SLC12A3: variants seen among roughly 807,000 people sequenced by gnomAD.
SLC12A3 encodes the protein solute carrier family 12 member 3, also known as Na-Cl cotransporter.
SLC12A3 carries 104 observed loss-of-function variants against 121.0 expected under a neutral mutation model. The ratio of observed to expected loss-of-function variants is 0.86; its 90% CI spans 0.73 to 1.01. The LOEUF (loss-of-function observed/expected upper bound fraction) is 1.01, where lower values mean the gene tolerates loss of function less well. Ranked by LOEUF, SLC12A3 falls within the 50% of genes least tolerant of loss-of-function variation. The probability of loss-of-function intolerance (pLI) is 0.00; values close to 1 mark genes in which losing one functional copy is unlikely to be tolerated. For synonymous variants in SLC12A3, 536 were observed against 533.4 expected (o/e 1.00, Z -0.07); for missense variants, 1,328 against 1,356.3 (o/e 0.98, Z 0.33).
chr16:56,879,493 T>C (rs1378687404), intron 10 of SLC12A3, 49 bp from the exon 11 acceptor site: 1 of 1,480,526 alleles, frequency 6.8e-7, no homozygotes, highest in Non-Finnish European at 9.4e-7. Flanking sequence ...AGATGGGGGC[T>C]CCTGGCTCAG....
chr16:56,902,672 A>G (rs144986837), intron 24 of SLC12A3, among the ~76,000 whole-genome samples, 164 bp downstream of exon 24: 66 of 152,172 alleles, frequency 4.3e-4, no homozygotes, highest in Admixed American at 7.8e-4. Context: ...CTGATGGGTA[A>G]CCCGGCTGTG....
Position 56,892,308 on chromosome 16 carries a change from C to T in SLC12A3, c.2419+175C>T, listed in dbSNP as rs975401047. 8.8e-5 allele frequency: 58 copies of T among 661,906 alleles called. 1 individual carries two copies. In the Admixed American group the frequency reaches 1.3e-3, roughly 14 times the overall value. 41.0% of individuals were successfully genotyped at this position (661,906 alleles called of 1,614,324 possible). A position where few individuals can be genotyped will look rare whatever the true frequency, so the allele number is the denominator to read the frequency against. ...GAGTTGGGAACTGGAGGGGCTTGGCCGTGTCAAAGATTGCCAGCAGCCAGG... is the reference window on the plus strand; with the variant it reads ...GAGTTGGGAACTGGAGGGGCTTGGCTGTGTCAAAGATTGCCAGCAGCCAGG... On this transcript the variant is annotated intron_variant, in intron 20 of 25. Transcript: ENST00000563236.
chr16:56,888,489 A>T (rs1156570875), intron 18 of SLC12A3, among the ~76,000 whole-genome samples: 1 of 150,930 alleles, frequency 6.6e-6, no homozygotes, highest in African/African-American at 2.4e-5. Flanking sequence ...GCTCGTGTCC[A>T]TGCAGAATGG....
intron 23 of SLC12A3, among the ~76,000 whole-genome samples, chr16:56,900,957 T>G (rs2065281056): frequency 6.6e-6 from 1 of 151,938 alleles, no homozygotes; most frequent in African/African-American, 2.4e-5. Flanking sequence ...CCTCCTCCCT[T>G]CCCCTAATCC....
chr16:56,870,754 G>A lies in SLC12A3; in HGVS notation c.852+18G>A, dbSNP rs770677797. 7 of 1,518,132 alleles carry A rather than the reference G, an allele frequency of 4.6e-6. No homozygotes were observed. The African/African-American group carries it at 8.2e-5, about 18-fold the overall frequency. 94.0% of individuals were successfully genotyped at this position (1,518,132 alleles called of 1,614,324 possible). Reference sequence around the variant, plus strand: ...AGTCCAAGGTGAGGAGGCCATGGAGGAGGGGGACATGGAGGTGGTCACGTG... The same window carrying A: ...AGTCCAAGGTGAGGAGGCCATGGAGAAGGGGGACATGGAGGTGGTCACGTG... On this transcript the variant is annotated intron_variant, in intron 6 of 25. Transcript: ENST00000563236.
At chr16:56,867,357 TCAA>T (rs1195527133) in intron 2 of SLC12A3, 141 bp downstream of exon 2, 9 of 881,186 alleles carry the variant, frequency 1.0e-5, no homozygotes, top group Non-Finnish European at 1.5e-5. Flanking sequence ...AGTTAATAGA[TCAA>T]TAGACAATAG....
intron 8 of SLC12A3, among the ~76,000 whole-genome samples, chr16:56,876,558 G>A (rs902852344): frequency 4.6e-5 from 7 of 152,166 alleles, no homozygotes; most frequent in African/African-American, 7.2e-5. Context: ...ACAGCTCCAC[G>A]TCTGGGCCAC....
intron 25 of SLC12A3, among the ~76,000 whole-genome samples, chr16:56,911,005 T>C (rs1296054189): frequency 3.3e-5 from 5 of 152,290 alleles, no homozygotes; most frequent in Admixed American, 1.3e-4. Context: ...ACAGGCTGTG[T>C]TGGGGGAGGG....
chr16:56,913,256 C>T lies in SLC12A3; in HGVS notation c.2925-8C>T. The T allele has an allele frequency of 6.2e-7, 1 of 1,614,142 alleles. No homozygotes were observed. The highest frequency in any genetic ancestry group is 1.3e-5 in the African/African-American group (1 of 75,040). On this transcript the variant is annotated splice_region_variant and splice_polypyrimidine_tract_variant and intron_variant, in intron 25 of 25. Transcript: ENST00000563236. Reference sequence around the variant, plus strand: ...ATCTCTCTTCTACCACTTTTTCATGCCTTGCAGCACTTTGCCCATAGGGAG... The same window carrying T: ...ATCTCTCTTCTACCACTTTTTCATGTCTTGCAGCACTTTGCCCATAGGGAG...
chr16:56,901,266 T>G (rs768428582), intron 23 of SLC12A3, among the ~76,000 whole-genome samples: 7 of 151,976 alleles, frequency 4.6e-5, no homozygotes, highest in Non-Finnish European at 8.8e-5. Context: ...CTCCATTTAC[T>G]CTGTCCCAGG....
In SLC12A3 at chr16:56,902,287, A is replaced by G. The variant is rs2144766307; in HGVS notation, c.2721-86A>G. 6 of 1,553,734 alleles carry G rather than the reference A, an allele frequency of 3.9e-6. No individual in the cohort carries two copies. In the South Asian group the frequency reaches 6.7e-5, roughly 17 times the overall value. ...CAGCCTGAAAATGGGAGCTGTGGCA[A>G]CACTGCCAGCTCCCCGCAGGGACCT... On this transcript the variant is annotated intron_variant, in intron 23 of 25. Transcript: ENST00000563236.
chr16:56,866,040 C>T (rs1964347199), intron 1 of SLC12A3, among the ~76,000 whole-genome samples: 1 of 150,846 alleles, frequency 6.6e-6, no homozygotes. Flanking sequence ...GGCTGGAGTG[C>T]AGTGGTGTGA....
chr16:56,884,277 C>A, intron 14 of SLC12A3, 73 bp downstream of exon 14: 1 of 1,491,596 alleles, frequency 6.7e-7, no homozygotes. Flanking sequence ...GCCCTCCGCC[C>A]CAGTTGGAGG....
At position 56,882,414 on chromosome 16, in the gene SLC12A3, C is replaced by A. The variant is rs2055253263; in HGVS notation, c.1586C>A (p.Ala529Asp). ...FIIIAELNTIAPIISNFFLCS... is the reference protein window; with the variant it reads ...FIIIAELNTIDPIISNFFLCS... ...CCCGAAGCTGAGCTCAACACCATAG[C>A]CCCCATCATTTCCAACTTCTTCCTC... Residue 529 changes from alanine (A) to aspartate (D), a missense_variant, in exon 13 of 26, where the codon GCC (alanine) becomes GAC (aspartate). Physicochemically the swap from Ala to Asp is moderately radical, Grantham distance 126. Transcript: ENST00000563236. The A allele has an allele frequency of 6.2e-7, 1 of 1,613,800 alleles. No homozygotes were observed. Among genetic ancestry groups the A allele is most frequent in the Non-Finnish European group, 8.5e-7 (1 of 1,179,820 alleles).
At chr16:56,893,158 C>T (rs1419418072) in intron 21 of SLC12A3, 104 bp downstream of exon 21, 1 of 946,538 alleles carries the variant, frequency 1.1e-6, no homozygotes, top group Admixed American at 2.0e-5. Flanking sequence ...GACAGGGGCT[C>T]CTGGGCCCAG....
chr16:56,909,663 G>A lies in SLC12A3; in HGVS notation c.2925-3601G>A, dbSNP rs1028864604. Among the ~76,000 whole-genome samples the A allele has an allele frequency of 2.1e-4, 32 of 152,210 alleles. No individual in the cohort carries two copies. The South Asian group carries it at 3.1e-3, about 15-fold the overall frequency. The stretch of plus-strand genomic sequence containing the variant: ...TCACTAATCTCCAACCTGGAGCCAT[G>A]CCTAGTGTTTCTCTACAAGTTCAGT... On this transcript the variant is annotated intron_variant, in intron 25 of 25. Coordinates refer to ENST00000563236, the MANE Select transcript of SLC12A3 (RefSeq NM_001126108.2).
At chr16:56,904,798 C>T (rs1165285204) in intron 25 of SLC12A3, 2 of 364,064 alleles carry the variant, frequency 5.5e-6, no homozygotes, top group East Asian at 1.4e-4. Context: ...GGGACATCAA[C>T]TCCTGGTTGT....
chr16:56,910,942 A>G (rs1225922360), intron 25 of SLC12A3, among the ~76,000 whole-genome samples: 1 of 151,708 alleles, frequency 6.6e-6, no homozygotes, highest in Non-Finnish European at 1.5e-5. Context: ...CACGTCATTG[A>G]CTGGTGTGGG....
Position 56,890,339 on chromosome 16 carries a change from A to G in SLC12A3, c.2351A>G (p.Lys784Arg), listed in dbSNP as rs1238966736. ...MRMREGLNVS[K>R]MMQAHINPVF... The stretch of plus-strand genomic sequence containing the variant: ...ATGCGGGAGGGACTCAACGTGTCCA[A>G]GATGATGCAGGCGCACAGTGAGTAC... Residue 784 changes from lysine to arginine, a missense_variant, in exon 19 of 26, where the codon AAG (lysine) becomes AGG (arginine). Lys to Arg is a conservative substitution (Grantham distance 26). Coordinates refer to ENST00000563236, the MANE Select transcript of SLC12A3 (RefSeq NM_001126108.2). 2.5e-6 allele frequency: 4 copies of G among 1,613,990 alleles called. No homozygotes were observed. The highest frequency in any genetic ancestry group is 2.7e-5 in the African/African-American group (2 of 74,938).
Sources: gnomAD v4.1 joint callset for allele counts (sites outside exome capture counted in the v4.1 genomes callset) on GRCh38, gnomAD v4.1.1 for gene constraint, MANE v1.5 for transcripts, NCBI Gene and HGNC (gene_info 2026-07-23, HGNC 2026-07-21) for gene names.